The following MBD2 variants were observed in gnomAD, a reference collection of about 807,000 sequenced individuals.
MBD2 encodes the protein methyl-CpG-binding domain protein 2.
Under a neutral mutation model 39.3 loss-of-function variants are expected in MBD2, and 9 were observed. The observed-to-expected ratio is 0.23, with a 90% CI of 0.14 to 0.40. MBD2 has a LOEUF of 0.40. Ranked by LOEUF, MBD2 falls within the 10% of genes least tolerant of loss-of-function variation. The probability of loss-of-function intolerance (pLI) is 1.00; values close to 1 mark genes in which losing one functional copy is unlikely to be tolerated. For missense variants in MBD2, 458 were observed against 532.6 expected, an observed-to-expected ratio of 0.86 and a Z score of 1.38; for synonymous variants, 233 against 211.1, an observed-to-expected ratio of 1.10 and a Z score of -0.90.
At chr18:54,199,724 C>T (rs552475911) in intron 2 of MBD2, among the ~76,000 whole-genome samples, 31 of 152,278 alleles carry the variant, frequency 2.0e-4, no homozygotes, top group African/African-American at 7.0e-4. Flanking sequence ...TCTAATTTCT[C>T]GAGTCTCACC....
rs138769329 is a variant in MBD2 at position 54,159,593 on chromosome 18, A to G, written c.*12+172T>C. On this transcript the variant is annotated intron_variant, in intron 6 of 6. Coordinates refer to ENST00000256429, the MANE Select transcript of MBD2 (RefSeq NM_003927.5). ...ACACCACACCCAGTTAATTTTTTGT[A>G]TTTTGGGTAGAGATGGGGTTTTGCC... is the stretch of plus-strand genomic sequence containing the variant. Among the ~76,000 whole-genome samples the G allele has an allele frequency of 4.2e-3, 646 of 152,098 alleles. 2 individuals are homozygous for G. Among genetic ancestry groups the G allele is most frequent in the Non-Finnish European group, 6.7e-3 (458 of 67,972 alleles).
At chr18:54,183,123 G>A (rs1424939744) in intron 3 of MBD2, among the ~76,000 whole-genome samples, 1 of 152,206 alleles carries the variant, frequency 6.6e-6, no homozygotes, top group Non-Finnish European at 1.5e-5. Flanking sequence ...CAAGCGGACA[G>A]TGGTCCTTTC....
chr18:54,221,258 C>T (rs189013381), intron 1 of MBD2, among the ~76,000 whole-genome samples: 1 of 151,908 alleles, frequency 6.6e-6, no homozygotes, highest in African/African-American at 2.4e-5. Flanking sequence ...GAGATCGAGA[C>T]CATCCTGGCT....
In MBD2 at chr18:54,224,663, G is replaced by T; in HGVS notation, c.-104C>A. 1 of 848,464 alleles carries T rather than the reference G, an allele frequency of 1.2e-6. No individual in the cohort carries two copies. The highest frequency in any genetic ancestry group is 1.6e-6 in the Non-Finnish European group (1 of 637,896). 52.6% of individuals were successfully genotyped at this position (848,464 alleles called of 1,614,324 possible). ...CGCGGCGCGCGGGGGACGCGCGCAA[G>T]CATCATAGAGCGGGCGCGCACAGAG... On this transcript the variant is annotated 5_prime_UTR_variant, in exon 1 of 7. Coordinates refer to ENST00000256429, the MANE Select transcript of MBD2 (RefSeq NM_003927.5).
chr18:54,180,532 G>A (rs2086243393), intron 3 of MBD2, among the ~76,000 whole-genome samples: 1 of 152,122 alleles, frequency 6.6e-6, no homozygotes, highest in Non-Finnish European at 1.5e-5. Flanking sequence ...GGCAGAGAGA[G>A]AGAACTATGT....
At position 54,153,051 on chromosome 18, in the gene MBD2, GGAGA is replaced by G. The variant is rs1252818418; in HGVS notation, c.*2269_*2272del. 5.9e-5 allele frequency: 9 copies of G among 152,292 alleles called. No homozygotes were observed. Among genetic ancestry groups the G allele is most frequent in the African/African-American group, 1.7e-4 (7 of 41,442 alleles). 9.4% of individuals were successfully genotyped at this position (152,292 alleles called of 1,614,324 possible). A position where few individuals can be genotyped will look rare whatever the true frequency, so the allele number is the denominator to read the frequency against. On this transcript the variant is annotated 3_prime_UTR_variant, in exon 7 of 7. Coordinates refer to ENST00000256429, the MANE Select transcript of MBD2 (RefSeq NM_003927.5). ...CTTTCTGATGACTATGTGGAGGGATGGAGAGAGGGAAGGGGAAGAAAGTGGACAG... is the reference window on the plus strand; with the variant it reads ...CTTTCTGATGACTATGTGGAGGGATGGAGGGAAGGGGAAGAAAGTGGACAG...
chr18:54,180,890 A>ATT (rs1568083459), intron 3 of MBD2, among the ~76,000 whole-genome samples: 3 of 114,566 alleles, frequency 2.6e-5, no homozygotes, highest in African/African-American at 1.1e-4. Context: ...GTATTCCTTA[A>ATT]TTTTTTCTTT....
chr18:54,201,306 A>G (rs2086405818), intron 2 of MBD2, among the ~76,000 whole-genome samples: 1 of 152,200 alleles, frequency 6.6e-6, no homozygotes, highest in Non-Finnish European at 1.5e-5. Flanking sequence ...AACCTAATGG[A>G]ATATCTTCAG....
In MBD2 at chr18:54,205,217, C is replaced by T. The variant is rs572271834; in HGVS notation, c.543-60G>A. On this transcript the variant is annotated intron_variant, in intron 1 of 6. Transcript: ENST00000256429. ...ACAATATTCTCCACATAAGCCTTTTCTTCATGTCTTCCCCTACCCTCAATT... is the reference window on the plus strand; with the variant it reads ...ACAATATTCTCCACATAAGCCTTTTTTTCATGTCTTCCCCTACCCTCAATT... 1.1e-3 allele frequency: 1,591 copies of T among 1,411,542 alleles called. 5 individuals carry two copies. Among genetic ancestry groups the T allele is most frequent in the African/African-American group, 9.3e-3 (652 of 69,992 alleles). 87.4% of individuals were successfully genotyped at this position (1,411,542 alleles called of 1,614,324 possible). A position where few individuals can be genotyped will look rare whatever the true frequency, so the allele number is the denominator to read the frequency against.
chr18:54,224,566 C>G lies in MBD2; in HGVS notation c.-7G>C. 8.2e-7 allele frequency: 1 copy of G among 1,224,484 alleles called. No individual in the cohort carries two copies. Among genetic ancestry groups the G allele is most frequent in the Non-Finnish European group, 1.0e-6 (1 of 982,168 alleles). 75.9% of individuals were successfully genotyped at this position (1,224,484 alleles called of 1,614,324 possible). A position where few individuals can be genotyped will look rare whatever the true frequency, so the allele number is the denominator to read the frequency against. Reference sequence around the variant, plus strand: ...CCCCCGGGTGCGCGCGCATCCAGCCCCCTCCCCAGCCGGCGCTGCGCTTCT... The same window carrying G: ...CCCCCGGGTGCGCGCGCATCCAGCCGCCTCCCCAGCCGGCGCTGCGCTTCT... On this transcript the variant is annotated 5_prime_UTR_variant, in exon 1 of 7. Coordinates refer to ENST00000256429, the MANE Select transcript of MBD2 (RefSeq NM_003927.5).
intron 2 of MBD2, among the ~76,000 whole-genome samples, chr18:54,201,086 A>G (rs2086404272): frequency 6.6e-6 from 1 of 152,068 alleles, no homozygotes; most frequent in Non-Finnish European, 1.5e-5. Flanking sequence ...TCTCAAAAAA[A>G]AAAAAAAAAA....
chr18:54,167,430 A>G (rs1037878369), intron 3 of MBD2, among the ~76,000 whole-genome samples: 1 of 152,232 alleles, frequency 6.6e-6, no homozygotes, highest in Non-Finnish European at 1.5e-5. Flanking sequence ...TATGGCAACA[A>G]TGGCTATCAC....
intron 1 of MBD2, among the ~76,000 whole-genome samples, chr18:54,219,578 G>A (rs1446285927): frequency 6.6e-6 from 1 of 152,170 alleles, no homozygotes; most frequent in East Asian, 1.9e-4. Context: ...AATCCAAGAA[G>A]ACTTTAACAC....
rs1198669462 is a variant in MBD2 at position 54,152,392 on chromosome 18, A to C, written c.*2932T>G. On this transcript the variant is annotated 3_prime_UTR_variant, in exon 7 of 7. Coordinates refer to ENST00000256429, the MANE Select transcript of MBD2 (RefSeq NM_003927.5). ...GTGGCAGCATGAGGCCAGACAGACA[A>C]GCAGGGATCAGATCAAGAAGAGCCT... The C allele has an allele frequency of 6.6e-6, 1 of 152,304 alleles. No homozygotes were observed. The highest frequency in any genetic ancestry group is 1.5e-5 in the Non-Finnish European group (1 of 68,096). 9.4% of individuals were successfully genotyped at this position (152,304 alleles called of 1,614,324 possible). A position where few individuals can be genotyped will look rare whatever the true frequency, so the allele number is the denominator to read the frequency against.
intron 2 of MBD2, chr18:54,202,790 G>A (rs1215508926): frequency 3.0e-5 from 46 of 1,537,782 alleles, no homozygotes; most frequent in South Asian, 3.9e-5. Context: ...AGTACCTACC[G>A]TGTGCAAAAG....
intron 3 of MBD2, among the ~76,000 whole-genome samples, chr18:54,182,719 AC>A (rs2086259309): frequency 6.6e-6 from 1 of 152,118 alleles, no homozygotes; most frequent in South Asian, 2.1e-4. Flanking sequence ...AAGCACTTGC[AC>A]CCAGGAGTTC....
Position 54,224,142 on chromosome 18 carries a change from C to G in MBD2, c.418G>C (p.Gly140Arg). ...TTCCCGCTCTCCGTGGCCCGGGGTC[C>G]CCTGGGCCCCGGCCCCGCGCTCCCC... The part of the protein sequence containing the change: ...PSGSAGPGPR[G>R]PRATESGKRM... The change falls in exon 1 of 7, where the codon GGA (glycine) becomes CGA (arginine). Residue 140 changes from glycine to arginine, a missense_variant. Around this residue, in one of 2 missense-constraint regions of MBD2, gnomAD observed 269 missense variants for 236.0 expected, o/e 1.14. Transcript: ENST00000256429. The G allele has an allele frequency of 6.6e-7, 1 of 1,518,338 alleles. No individual in the cohort carries two copies. 94.1% of individuals were successfully genotyped at this position (1,518,338 alleles called of 1,614,324 possible).
At chr18:54,164,471 T>G in intron 5 of MBD2, 52 bp downstream of exon 5, 2 of 1,543,136 alleles carry the variant, frequency 1.3e-6, no homozygotes, top group Non-Finnish European at 1.8e-6. Flanking sequence ...CAGTAAAAAA[T>G]TTACCCAAAC....
chr18:54,216,211 ATATACATCAACAC>A (rs1426705425), intron 1 of MBD2, among the ~76,000 whole-genome samples: 1 of 152,206 alleles, frequency 6.6e-6, no homozygotes, highest in African/African-American at 2.4e-5. Flanking sequence ...TAGGTAATAT[ATATACATCAACAC>A]TACACACACA....
Sources: gnomAD v4.1 joint callset for allele counts (sites outside exome capture counted in the v4.1 genomes callset) on GRCh38, gnomAD v4.1.1 for gene constraint, gnomAD v4.1.1 regional missense constraint, MANE v1.5 for transcripts, NCBI Gene and HGNC (gene_info 2026-07-23, HGNC 2026-07-21) for gene names.